Variants in WDR35 observed in about 807,000 individuals in gnomAD.
WDR35 encodes the protein WD repeat-containing protein 35.
Under a neutral mutation model 158.3 loss-of-function variants are expected in WDR35, and 118 were observed. That is an observed-to-expected ratio of 0.75 (90% CI 0.64 to 0.87). The LOEUF (loss-of-function observed/expected upper bound fraction) is 0.87, where lower values mean the gene tolerates loss of function less well. WDR35 is among the 40% of genes least tolerant of loss of function. WDR35 has a pLI of 0.00. For synonymous variants in WDR35, 448 were observed against 476.1 expected (o/e 0.94, Z 0.77); for missense variants, 1,263 against 1,405.8 (o/e 0.90, Z 1.62).
At chr2:19,915,491 C>T (rs887345422) in intron 25 of WDR35, among the ~76,000 whole-genome samples, 1 of 150,116 alleles carries the variant, frequency 6.7e-6, no homozygotes, top group African/African-American at 2.4e-5. Context: ...TGAAGCATCT[C>T]AAGTTAAAGA....
chr2:19,927,793 C>G (rs1018009108), intron 25 of WDR35, among the ~76,000 whole-genome samples: 2 of 152,196 alleles, frequency 1.3e-5, no homozygotes, highest in Non-Finnish European at 2.9e-5. Context: ...CTTAAAGGAG[C>G]TGCAGACAGA....
At chr2:19,968,320 C>A (rs1389725122) in intron 9 of WDR35, among the ~76,000 whole-genome samples, 7 of 152,166 alleles carry the variant, frequency 4.6e-5, no homozygotes, top group African/African-American at 1.7e-4. Flanking sequence ...TCTTTGGAAA[C>A]TAAGTGTAGC....
chr2:19,966,621 GTT>G, intron 10 of WDR35, 101 bp downstream of exon 10: 1 of 1,355,700 alleles, frequency 7.4e-7, no homozygotes, highest in South Asian at 1.2e-5. Context: ...CAGACCCAAT[GTT>G]TTGATGTACT....
rs181809738 is a variant in WDR35 at position 19,989,900 on chromosome 2, G to A, written c.24+92C>T. On this transcript the variant is annotated intron_variant, in intron 1 of 26. Coordinates refer to ENST00000281405, the MANE Select transcript of WDR35 (RefSeq NM_020779.4). ...AATGGCGAAGCCACGACCAGGACCG[G>A]GTGAAGGAGCCTGGCTTCTCGGGAA... The A allele has an allele frequency of 3.2e-4, 509 of 1,576,594 alleles. 1 individual carries two copies. In the African/African-American group the frequency reaches 5.9e-3, roughly 18 times the overall value.
In WDR35 at chr2:19,938,392, G is replaced by A; in HGVS notation, c.1936C>T (p.His646Tyr). 1 of 1,613,658 alleles carries A rather than the reference G, an allele frequency of 6.2e-7. No individual in the cohort carries two copies. Among genetic ancestry groups the A allele is most frequent in the Admixed American group, 1.7e-5 (1 of 59,948 alleles). Residue 646 changes from histidine to tyrosine, a missense_variant, in exon 18 of 27, where the codon CAT (histidine) becomes TAT (tyrosine). Physicochemically the swap from His to Tyr is moderately conservative, Grantham distance 83. Coordinates refer to ENST00000281405, the MANE Select transcript of WDR35 (RefSeq NM_020779.4). Reference protein sequence around the residue: ...LLDEILKDPEHPNKDYLINFE... With the variant: ...LLDEILKDPEYPNKDYLINFE... ...TTAATTAGGTAATCCTTGTTTGGAT[G>A]TTCTGGATCCTAAAAGTAAAGATGA...
chr2:19,919,399 GAAAAGA>G (rs942193250), intron 25 of WDR35, among the ~76,000 whole-genome samples: 8 of 85,122 alleles, frequency 9.4e-5, no homozygotes, highest in African/African-American at 2.2e-4. Flanking sequence ...AAAAAAAAAA[GAAAAGA>G]AAAAGAAAAA....
chr2:19,963,318 C>T (rs1266569261), intron 10 of WDR35, among the ~76,000 whole-genome samples: 1 of 152,142 alleles, frequency 6.6e-6, no homozygotes, highest in Non-Finnish European at 1.5e-5. Context: ...TCAAGTGTAT[C>T]ATGATTTATT....
intron 22 of WDR35, 150 bp downstream of exon 22, chr2:19,933,251 G>A (rs969803494): frequency 3.1e-5 from 22 of 702,434 alleles, no homozygotes; most frequent in Admixed American, 2.4e-4. Flanking sequence ...GAGAATACCC[G>A]CCTGGCTCCT....
At chr2:19,939,781 G>A (rs540160231) in intron 17 of WDR35, among the ~76,000 whole-genome samples, 3 of 151,988 alleles carry the variant, frequency 2.0e-5, no homozygotes, top group East Asian at 3.9e-4. Flanking sequence ...AAGCAGTAAA[G>A]TATTCATTTT....
intron 12 of WDR35, 49 bp from the exon 13 acceptor site, chr2:19,951,533 T>G: frequency 7.2e-7 from 1 of 1,395,022 alleles, no homozygotes; most frequent in East Asian, 2.4e-5. Flanking sequence ...TAGTTTATAC[T>G]ATTTCATAAT....
intron 16 of WDR35, among the ~76,000 whole-genome samples, chr2:19,945,519 C>T (rs898691357): frequency 2.0e-5 from 3 of 152,128 alleles, no homozygotes; most frequent in Non-Finnish European, 4.4e-5. Context: ...GTGACCATGG[C>T]TCCACCTTTT....
At chr2:19,933,370 A>G in intron 22 of WDR35, 31 bp downstream of exon 22, 1 of 1,568,240 alleles carries the variant, frequency 6.4e-7, no homozygotes, top group Non-Finnish European at 8.8e-7. Context: ...TAAGACAATA[A>G]GCTGCACAGA....
rs746655967 is a variant in WDR35 at position 19,931,298 on chromosome 2, G to A, written c.2935C>T (p.Arg979Ter). The A allele has an allele frequency of 9.9e-6, 16 of 1,611,106 alleles. No individual in the cohort carries two copies. Among genetic ancestry groups the A allele is most frequent in the Middle Eastern group, 1.6e-4 (1 of 6,074 alleles). ...QYHEQMKNAQ[R>*]GKVKGKSSEA... ...GAACTTTTTCCTTTAACTTTTCCTCGCTGGGCATTCTTCATCTGTTCATGG... is the reference window on the plus strand; with the variant it reads ...GAACTTTTTCCTTTAACTTTTCCTCACTGGGCATTCTTCATCTGTTCATGG... Residue 979 changes from arginine to a stop codon, truncating the protein, a stop_gained, in exon 24 of 27, where the codon CGA becomes TGA. Coordinates refer to ENST00000281405, the MANE Select transcript of WDR35 (RefSeq NM_020779.4). LOFTEE classifies it high-confidence loss of function.
chr2:19,953,914 G>C lies in WDR35; in HGVS notation c.1320C>G (p.Thr440=). Residue 440 remains threonine (T), a synonymous_variant, in exon 12 of 27, where the codon ACC becomes ACG. Coordinates refer to ENST00000281405, the MANE Select transcript of WDR35 (RefSeq NM_020779.4). The part of the protein sequence containing the change: ...VIAASKEAFY[T]WQYRVAKKLT... ...GCTTCTTTGCCACACGATATTGCCAGGTATAAAATGCTTCTTTCGAGGCTG... is the reference window on the plus strand; with the variant it reads ...GCTTCTTTGCCACACGATATTGCCACGTATAAAATGCTTCTTTCGAGGCTG... 6.2e-7 allele frequency: 1 copy of C among 1,614,098 alleles called. No individual in the cohort carries two copies. Among genetic ancestry groups the C allele is most frequent in the South Asian group, 1.1e-5 (1 of 91,072 alleles).
Position 19,976,688 on chromosome 2 carries a change from CTTT to C in WDR35, c.437-1028_437-1026del, listed in dbSNP as rs34211947. On this transcript the variant is annotated intron_variant, in intron 5 of 26. Transcript: ENST00000281405. ...GGCCTGTTGCTAAAGCCAATTGATA[CTTT>C]TTTTTTTTTTTTTTTACCACTCCCT... is the stretch of plus-strand genomic sequence containing the variant. 1.9e-3 allele frequency among the ~76,000 whole-genome samples: 268 copies of C among 139,416 alleles called. 3 individuals carry two copies. The highest frequency in any genetic ancestry group is 7.5e-3 in the Middle Eastern group (2 of 266). 91.5% of individuals were successfully genotyped at this position (139,416 alleles called of 152,430 possible).
chr2:19,987,395 T>C (rs993030879), intron 2 of WDR35, among the ~76,000 whole-genome samples: 2 of 152,186 alleles, frequency 1.3e-5, no homozygotes, highest in African/African-American at 4.8e-5. Flanking sequence ...CTCCCAAGAA[T>C]TGATTTCCCA....
At chr2:19,929,548 G>A (rs1338645093) in intron 25 of WDR35, among the ~76,000 whole-genome samples, 1 of 152,118 alleles carries the variant, frequency 6.6e-6, no homozygotes, top group Non-Finnish European at 1.5e-5. Flanking sequence ...TACACTCTCT[G>A]GAGTTCATAT....
chr2:19,963,839 G>A (rs138724974), intron 10 of WDR35, among the ~76,000 whole-genome samples: 97 of 152,136 alleles, frequency 6.4e-4, no homozygotes, highest in African/African-American at 2.1e-3. Context: ...TGCCTTCAGG[G>A]TTCAAGCGAT....
At chr2:19,976,873 G>A (rs553293574) in intron 5 of WDR35, among the ~76,000 whole-genome samples, 1 of 151,658 alleles carries the variant, frequency 6.6e-6, no homozygotes, top group Admixed American at 6.6e-5. Flanking sequence ...AGGCTAGAGT[G>A]TAGTGGTAAG....
Sources: allele counts gnomAD v4.1 joint callset (sites outside exome capture counted in the v4.1 genomes callset), GRCh38; gene constraint gnomAD v4.1.1; transcripts MANE v1.5; gene names NCBI Gene and HGNC (gene_info 2026-07-23, HGNC 2026-07-21).